CACNB2: variants seen among roughly 807,000 people sequenced by gnomAD.
CACNB2 encodes calcium voltage-gated channel auxiliary subunit beta 2.
A neutral mutation model predicts 73.3 loss-of-function variants in CACNB2; 42 were observed. That is an observed-to-expected ratio of 0.57 (90% CI 0.45 to 0.74). The LOEUF is 0.74. CACNB2 is among the 30% of genes least tolerant of loss of function. The pLI is 0.00. For synonymous variants in CACNB2, 348 were observed against 310.3 expected (o/e 1.12, Z -1.28); for missense variants, 940 against 853.0 (o/e 1.10, Z -1.27).
At chr10:18,401,127 G>A in intron 2 of CACNB2, 1 of 1,613,968 alleles carries the variant, frequency 6.2e-7, no homozygotes, top group Non-Finnish European at 8.5e-7. Flanking sequence ...TCGTTTGTGG[G>A]GAGAGGTTAT....
At chr10:18,328,639 C>A (rs909684900) in intron 2 of CACNB2, among the ~76,000 whole-genome samples, 2 of 152,122 alleles carry the variant, frequency 1.3e-5, no homozygotes, top group Admixed American at 6.5e-5. Flanking sequence ...AAGTTTTAGT[C>A]CCCCTAATTT....
At chr10:18,442,415 G>T (rs201467492) in intron 3 of CACNB2, among the ~76,000 whole-genome samples, 1 of 151,828 alleles carries the variant, frequency 6.6e-6, no homozygotes, top group African/African-American at 2.4e-5. Flanking sequence ...CTCCCAAAGC[G>T]CTGGAATTAT....
chr10:18,516,376 C>T (rs1185999205), intron 7 of CACNB2, among the ~76,000 whole-genome samples: 1 of 152,176 alleles, frequency 6.6e-6, no homozygotes, highest in Non-Finnish European at 1.5e-5. Context: ...TGATTACCAG[C>T]AACGGGTGAC....
intron 2 of CACNB2, among the ~76,000 whole-genome samples, chr10:18,247,546 C>T (rs2036915679): frequency 1.3e-5 from 2 of 151,934 alleles, no homozygotes; most frequent in South Asian, 4.1e-4. Context: ...ATATTCTTTC[C>T]ATCATCTCTT....
intron 7 of CACNB2, chr10:18,514,946 A>C: frequency 1.3e-6 from 2 of 1,509,468 alleles, no homozygotes; most frequent in East Asian, 2.3e-5. Flanking sequence ...TTCAAGTTTT[A>C]ATTTAGTCAG....
chr10:18,420,627 C>T (rs2045268093), intron 3 of CACNB2, among the ~76,000 whole-genome samples: 2 of 152,198 alleles, frequency 1.3e-5, no homozygotes, highest in Non-Finnish European at 2.9e-5. Context: ...TCAACTTACT[C>T]AGTCCACCAA....
chr10:18,254,904 A>G (rs2037220476), intron 2 of CACNB2, among the ~76,000 whole-genome samples: 1 of 152,220 alleles, frequency 6.6e-6, no homozygotes, highest in African/African-American at 2.4e-5. Flanking sequence ...ATTGGGTTTC[A>G]TTTTCTGTTT....
At chr10:18,526,700 T>C (rs907886587) in intron 9 of CACNB2, among the ~76,000 whole-genome samples, 2 of 152,206 alleles carry the variant, frequency 1.3e-5, no homozygotes, top group Non-Finnish European at 2.9e-5. Flanking sequence ...CAATTCAATA[T>C]TGTCTCTCAT....
At chr10:18,452,474 A>G (rs1234247308) in intron 3 of CACNB2, among the ~76,000 whole-genome samples, 1 of 152,244 alleles carries the variant, frequency 6.6e-6, no homozygotes, top group East Asian at 1.9e-4. Flanking sequence ...AAAATTATCT[A>G]GCTAATATCA....
intron 2 of CACNB2, among the ~76,000 whole-genome samples, chr10:18,239,577 A>G (rs932155897): frequency 6.6e-6 from 1 of 152,214 alleles, no homozygotes; most frequent in Non-Finnish European, 1.5e-5. Context: ...TCATACATTG[A>G]TGGACACTTA....
intron 2 of CACNB2, among the ~76,000 whole-genome samples, chr10:18,302,555 A>G (rs1767535445): frequency 6.6e-6 from 1 of 152,190 alleles, no homozygotes; most frequent in Non-Finnish European, 1.5e-5. Context: ...AGCAACCTGG[A>G]TGGGATTGGA....
intron 2 of CACNB2, among the ~76,000 whole-genome samples, chr10:18,157,054 CT>C (rs946481521): frequency 7.4e-6 from 1 of 135,234 alleles, no homozygotes; most frequent in African/African-American, 3.0e-5. Context: ...AAGAACGAAA[CT>C]TTGTCTCAAA....
chr10:18,420,506 C>T lies in CACNB2; in HGVS notation c.333+18463C>T, dbSNP rs117272223. ...GAGAAAAGATCGATGGATGTCTCAC[C>T]ACAAGCAGGCAGGCAGAAAGAAAAA... On this transcript the variant is annotated intron_variant, in intron 3 of 13. Coordinates refer to ENST00000324631, the MANE Select transcript of CACNB2 (RefSeq NM_201596.3). Among the ~76,000 whole-genome samples, 199 of 152,206 alleles carry T rather than the reference C, an allele frequency of 1.3e-3. 2 individuals carry two copies. The East Asian group carries it at 0.035, about 27-fold the overall frequency.
At chr10:18,510,362 GCA>G (rs1434568123) in intron 6 of CACNB2, among the ~76,000 whole-genome samples, 1 of 152,112 alleles carries the variant, frequency 6.6e-6, no homozygotes, top group South Asian at 2.1e-4. Flanking sequence ...GAGTGCAGTG[GCA>G]CAATCTCAGC....
Position 18,226,717 on chromosome 10 carries a change from T to C in CACNB2, c.213+75742T>C, listed in dbSNP as rs141907021. Among the ~76,000 whole-genome samples the C allele has an allele frequency of 6.6e-5, 10 of 152,234 alleles. No homozygotes were observed. In the East Asian group the frequency reaches 1.7e-3, roughly 26 times the overall value. ...ATACTGTTTAATGGTTTACAAACAG[T>C]TTTTGCAGGTATAATCTCATTTAAA... On this transcript the variant is annotated intron_variant, in intron 2 of 13. Coordinates refer to ENST00000324631, the MANE Select transcript of CACNB2 (RefSeq NM_201596.3).
chr10:18,180,880 C>T (rs1034568934), intron 2 of CACNB2, among the ~76,000 whole-genome samples: 5 of 151,922 alleles, frequency 3.3e-5, no homozygotes, highest in East Asian at 1.9e-4. Context: ...ACAGGAACAT[C>T]GCTTGAACCC....
chr10:18,374,454 A>G (rs6482368), intron 2 of CACNB2, among the ~76,000 whole-genome samples: 83,595 of 152,014 alleles, frequency 0.55, 23,582 homozygotes, highest in East Asian at 0.91. Context: ...AAGGCCGGGT[A>G]CAGTGGCTCA....
intron 2 of CACNB2, among the ~76,000 whole-genome samples, chr10:18,166,897 TAAAAA>T (rs1256200384): frequency 1.3e-5 from 2 of 151,998 alleles, no homozygotes; most frequent in African/African-American, 4.8e-5. Context: ...AGTATAATAA[TAAAAA>T]ATAAATAAAA....
intron 2 of CACNB2, among the ~76,000 whole-genome samples, chr10:18,175,448 C>A (rs539976845): frequency 6.6e-6 from 1 of 152,268 alleles, no homozygotes; most frequent in Non-Finnish European, 1.5e-5. Flanking sequence ...TAAAAACATG[C>A]ACAATTTTTT....
Sources: allele counts gnomAD v4.1 joint callset (sites outside exome capture counted in the v4.1 genomes callset), GRCh38; gene constraint gnomAD v4.1.1; transcripts MANE v1.5; gene names NCBI Gene and HGNC (gene_info 2026-07-23, HGNC 2026-07-21).